ATG7: variants seen among roughly 807,000 people sequenced by gnomAD.
ATG7 encodes ubiquitin-like modifier-activating enzyme ATG7.
In ATG7, 70 loss-of-function variants were observed where a neutral mutation model predicts 82.4. The ratio of observed to expected loss-of-function variants is 0.85; its 90% confidence interval spans 0.70 to 1.04. The LOEUF (loss-of-function observed/expected upper bound fraction) is 1.04. Among genes scored for constraint, ATG7 ranks in the 50% least tolerant of loss-of-function variants. The pLI is 0.00. For synonymous variants in ATG7, 287 were observed against 313.0 expected (o/e 0.92, Z 0.88); for missense variants, 792 against 864.3 (o/e 0.92, Z 1.05).
intron 20 of ATG7, among the ~76,000 whole-genome samples, chr3:11,456,088 T>A (rs2085683393): frequency 1.3e-5 from 2 of 152,212 alleles, no homozygotes; most frequent in Admixed American, 6.5e-5. Flanking sequence ...TTAGAATATT[T>A]CATCACCCCC....
Position 11,379,951 on chromosome 3 carries a change from TTTTGTTTTG to T in ATG7, c.1876-12_1876-4del. On this transcript the variant is annotated splice_polypyrimidine_tract_variant and intron_variant, in intron 18 of 20. Coordinates refer to ENST00000693202, the MANE Select transcript of ATG7 (RefSeq NM_001349232.2). ...GTCGTTGTGTGTTTGATGTGAATTG[TTTTGTTTTG>T]TTTGTTTTTAGATCCGGGGATTTCT... The T allele has an allele frequency of 6.2e-7, 1 of 1,609,980 alleles. No homozygotes were observed. The highest frequency in any genetic ancestry group is 8.5e-7 in the Non-Finnish European group (1 of 1,176,566).
Position 11,543,827 on chromosome 3 carries a change from C to T in ATG7, c.2080-10984C>T, listed in dbSNP as rs148829053. Among the ~76,000 whole-genome samples, 641 of 152,232 alleles carry T rather than the reference C, an allele frequency of 4.2e-3. 8 individuals are homozygous for T. The highest frequency in any genetic ancestry group is 0.021 in the South Asian group (103 of 4,826). On this transcript the variant is annotated intron_variant, in intron 20 of 20. Coordinates refer to ENST00000693202, the MANE Select transcript of ATG7 (RefSeq NM_001349232.2). ...TGAGGCACGAGAATTGCTTGAACCGCGGACCTCTGGGGACGGGAGGGGGAG... is the reference window on the plus strand; with the variant it reads ...TGAGGCACGAGAATTGCTTGAACCGTGGACCTCTGGGGACGGGAGGGGGAG...
intron 20 of ATG7, among the ~76,000 whole-genome samples, chr3:11,541,399 C>T (rs1441534129): frequency 6.6e-6 from 1 of 152,186 alleles, no homozygotes; most frequent in African/African-American, 2.4e-5. Context: ...GGGTCTGTTT[C>T]TACCTCTGTA....
chr3:11,345,590 TAAA>T (rs1954405560), intron 13 of ATG7, among the ~76,000 whole-genome samples: 1 of 152,156 alleles, frequency 6.6e-6, no homozygotes, highest in Non-Finnish European at 1.5e-5. Context: ...TTTTATCTTT[TAAA>T]AAATCTTTTC....
rs1438006975 is a variant in ATG7 at position 11,485,879 on chromosome 3, C to A, written c.2079+58953C>A. ...ATATGCGACGTTATTTCTGAGGGCT[C>A]TGTTCTGTTCCATTGATCTATATCT... On this transcript the variant is annotated intron_variant, in intron 20 of 20. Transcript: ENST00000693202. 1.1e-4 allele frequency among the ~76,000 whole-genome samples: 17 copies of A among 152,030 alleles called. 1 individual carries two copies. Among genetic ancestry groups the A allele is most frequent in the Non-Finnish European group, 8.8e-5 (6 of 67,976 alleles).
chr3:11,408,661 G>T (rs1366437187), intron 19 of ATG7, among the ~76,000 whole-genome samples: 1 of 152,200 alleles, frequency 6.6e-6, no homozygotes, highest in Admixed American at 6.5e-5. Flanking sequence ...TACATGGATG[G>T]CAGCGGGCAA....
intron 11 of ATG7, 152 bp from the exon 12 acceptor site, chr3:11,340,493 C>A (rs1208416677): frequency 3.5e-6 from 2 of 575,772 alleles, no homozygotes; most frequent in South Asian, 2.1e-5. Context: ...GAAATTCAGG[C>A]CCTCAAGTCT....
At chr3:11,525,990 C>G (rs1246851416) in intron 20 of ATG7, among the ~76,000 whole-genome samples, 1 of 152,174 alleles carries the variant, frequency 6.6e-6, no homozygotes, top group African/African-American at 2.4e-5. Context: ...TGATAGTTGA[C>G]TAGGCTTGGT....
At chr3:11,482,629 T>C (rs1400072171) in intron 20 of ATG7, among the ~76,000 whole-genome samples, 2 of 152,122 alleles carry the variant, frequency 1.3e-5, no homozygotes, top group East Asian at 1.9e-4. Context: ...ATAGGTGGTG[T>C]AATTGATCAG....
intron 14 of ATG7, among the ~76,000 whole-genome samples, chr3:11,348,934 C>A (rs1955008356): frequency 6.6e-6 from 1 of 152,078 alleles, no homozygotes; most frequent in Non-Finnish European, 1.5e-5. Context: ...TTACAGAGTG[C>A]TGATTGGTGC....
In ATG7 at chr3:11,316,600, G is replaced by A. The variant is rs139568993; in HGVS notation, c.678+1107G>A. Among the ~76,000 whole-genome samples the A allele has an allele frequency of 1.2e-4, 18 of 152,194 alleles. No homozygotes were observed. In the East Asian group the frequency reaches 2.9e-3, roughly 24 times the overall value. The stretch of plus-strand genomic sequence containing the variant: ...CAGTACCTTGTACAAGTTTCTTTTT[G>A]TGCCATATTAGACTGTAAGCTCCAA... On this transcript the variant is annotated intron_variant, in intron 9 of 20. Transcript: ENST00000693202.
At chr3:11,457,416 T>C (rs1194006366) in intron 20 of ATG7, among the ~76,000 whole-genome samples, 1 of 152,138 alleles carries the variant, frequency 6.6e-6, no homozygotes, top group South Asian at 2.1e-4. Flanking sequence ...TGTGCTTCCT[T>C]ATCTGAAATG....
intron 20 of ATG7, among the ~76,000 whole-genome samples, chr3:11,438,842 T>C (rs1193106083): frequency 1.3e-5 from 2 of 152,138 alleles, no homozygotes; most frequent in Non-Finnish European, 2.9e-5. Context: ...TGAGCCTAAC[T>C]TCCTGGCTTC....
chr3:11,511,669 C>A (rs57425282), intron 20 of ATG7, among the ~76,000 whole-genome samples: 2,384 of 152,254 alleles, frequency 0.016, 66 homozygotes, highest in African/African-American at 0.055. Flanking sequence ...GGGGAGGCTC[C>A]GGCCGCACAG....
At chr3:11,448,342 G>A (rs1198512038) in intron 20 of ATG7, among the ~76,000 whole-genome samples, 1 of 152,018 alleles carries the variant, frequency 6.6e-6, no homozygotes, top group Admixed American at 6.5e-5. Context: ...TTGGGGCGGG[G>A]AAGGGGAGTG....
intron 20 of ATG7, among the ~76,000 whole-genome samples, chr3:11,535,898 C>T (rs1301021895): frequency 1.3e-5 from 2 of 152,184 alleles, no homozygotes; most frequent in Non-Finnish European, 2.9e-5. Flanking sequence ...AAAACAGGAG[C>T]CCCAAAGCTT....
chr3:11,493,134 G>A (rs1363961772), intron 20 of ATG7, among the ~76,000 whole-genome samples: 1 of 152,224 alleles, frequency 6.6e-6, no homozygotes, highest in African/African-American at 2.4e-5. Flanking sequence ...GGTGAATGCA[G>A]ACAATTTTAT....
intron 15 of ATG7, among the ~76,000 whole-genome samples, chr3:11,359,118 A>G (rs1461811243): frequency 6.6e-6 from 1 of 152,152 alleles, no homozygotes; most frequent in Non-Finnish European, 1.5e-5. Context: ...ATAAACATTG[A>G]TATGTATTTT....
intron 19 of ATG7, among the ~76,000 whole-genome samples, chr3:11,384,629 A>G (rs1438772374): frequency 6.6e-6 from 1 of 152,154 alleles, no homozygotes; most frequent in Admixed American, 6.5e-5. Flanking sequence ...ATATTATATA[A>G]TCCTACCTAC....
Sources: gnomAD v4.1 joint callset for allele counts (sites outside exome capture counted in the v4.1 genomes callset) on GRCh38, gnomAD v4.1.1 for gene constraint, MANE v1.5 for transcripts, NCBI Gene and HGNC (gene_info 2026-07-23, HGNC 2026-07-21) for gene names.